Variants in SPIDR observed in about 807,000 individuals in gnomAD.
SPIDR encodes the protein scaffold protein involved in DNA repair.
In SPIDR, 93 loss-of-function variants were observed where a neutral mutation model predicts 104.6. The observed-to-expected ratio is 0.89, with a 90% CI of 0.75 to 1.06. The LOEUF (loss-of-function observed/expected upper bound fraction) is 1.06, where lower values mean the gene tolerates loss of function less well. Ranked by LOEUF, SPIDR falls within the 50% of genes least tolerant of loss-of-function variation. SPIDR has a pLI of 0.00. For synonymous variants in SPIDR, 431 were observed against 416.9 expected (o/e 1.03, Z -0.41); for missense variants, 1,154 against 1,111.2 (o/e 1.04, Z -0.55).
intron 10 of SPIDR, among the ~76,000 whole-genome samples, chr8:47,646,576 A>C (rs1389603887): frequency 6.6e-6 from 1 of 152,254 alleles, no homozygotes; most frequent in Non-Finnish European, 1.5e-5. Flanking sequence ...GCAGCTCTCT[A>C]TATGGCTACA....
intron 10 of SPIDR, among the ~76,000 whole-genome samples, chr8:47,623,486 G>A (rs1359349681): frequency 5.9e-5 from 9 of 152,178 alleles, no homozygotes; most frequent in Admixed American, 5.9e-4. Context: ...TGAGACTGAG[G>A]AAACCCATCT....
chr8:47,721,787 T>C (rs1237069783), intron 16 of SPIDR, among the ~76,000 whole-genome samples: 1 of 152,226 alleles, frequency 6.6e-6, no homozygotes, highest in African/African-American at 2.4e-5. Context: ...TTACTGCGAC[T>C]TTTAAGTCTT....
At chr8:47,375,145 T>G (rs1186455451) in intron 5 of SPIDR, among the ~76,000 whole-genome samples, 1 of 151,430 alleles carries the variant, frequency 6.6e-6, no homozygotes, top group Non-Finnish European at 1.5e-5. Context: ...TTTCAAGGGA[T>G]AAGATTTTCT....
intron 8 of SPIDR, among the ~76,000 whole-genome samples, chr8:47,493,042 AGT>A (rs60518877): frequency 0.1 from 14,642 of 140,424 alleles, 747 homozygotes; most frequent in Middle Eastern, 0.14. Context: ...AGAGAGAGTG[AGT>A]GTGTGTGTGT....
intron 7 of SPIDR, among the ~76,000 whole-genome samples, chr8:47,430,628 T>G (rs552345200): frequency 6.6e-6 from 1 of 152,192 alleles, no homozygotes; most frequent in South Asian, 2.1e-4. Context: ...GGTTTAAAGG[T>G]GGGTTTAGGA....
chr8:47,719,645 G>C (rs2083110950), intron 16 of SPIDR, among the ~76,000 whole-genome samples: 1 of 152,132 alleles, frequency 6.6e-6, no homozygotes, highest in South Asian at 2.1e-4. Context: ...CAAGGGGTGA[G>C]TGCCCTAGGA....
intron 10 of SPIDR, among the ~76,000 whole-genome samples, chr8:47,652,311 G>A (rs1271657609): frequency 6.6e-6 from 1 of 152,128 alleles, no homozygotes; most frequent in Non-Finnish European, 1.5e-5. Flanking sequence ...TGTGCAGAGA[G>A]AGAAGAGATA....
intron 8 of SPIDR, among the ~76,000 whole-genome samples, chr8:47,496,893 A>G (rs1415382999): frequency 6.6e-6 from 1 of 151,970 alleles, no homozygotes; most frequent in East Asian, 1.9e-4. Flanking sequence ...TAATAGATTT[A>G]TTCAGATTTT....
chr8:47,711,371 A>G (rs2081864567), intron 14 of SPIDR, among the ~76,000 whole-genome samples: 1 of 152,046 alleles, frequency 6.6e-6, no homozygotes, highest in Non-Finnish European at 1.5e-5. Flanking sequence ...CAGAGATGGC[A>G]TCTTGCTATG....
chr8:47,264,366 T>C (rs2033379418), intron 1 of SPIDR, among the ~76,000 whole-genome samples: 1 of 152,162 alleles, frequency 6.6e-6, no homozygotes, highest in African/African-American at 2.4e-5. Flanking sequence ...TTAGGATATA[T>C]AGATATATCC....
chr8:47,555,400 C>T (rs930114524), intron 8 of SPIDR, among the ~76,000 whole-genome samples: 1 of 152,156 alleles, frequency 6.6e-6, no homozygotes, highest in Non-Finnish European at 1.5e-5. Flanking sequence ...GAGTCAACTC[C>T]AGTCCCTTGC....
At chr8:47,610,474 C>G (rs1425093390) in intron 10 of SPIDR, among the ~76,000 whole-genome samples, 3 of 152,216 alleles carry the variant, frequency 2.0e-5, no homozygotes, top group Non-Finnish European at 4.4e-5. Context: ...ACTTCCTCCT[C>G]TAGCTGAGCC....
At chr8:47,367,215 A>G (rs1408258113) in intron 5 of SPIDR, among the ~76,000 whole-genome samples, 1 of 152,214 alleles carries the variant, frequency 6.6e-6, no homozygotes, top group Non-Finnish European at 1.5e-5. Context: ...CTACCTGGCA[A>G]GGAATGCAGC....
Position 47,735,413 on chromosome 8 carries a change from A to C in SPIDR, c.2711A>C (p.Glu904Ala), listed in dbSNP as rs1342680385. Residue 904 changes from glutamate to alanine, a missense_variant, in exon 20 of 20, where the codon GAG becomes GCG. Physicochemically the swap from Glu to Ala is moderately radical, Grantham distance 107. Transcript: ENST00000297423. ...AGCTGCATTGGATTGGAGGAAATCG[A>C]GCTTCTGAGTGCAGGAGGGGCCTCT... is the stretch of plus-strand genomic sequence containing the variant. ...PTSCIGLEEI[E>A]LLSAGGASAE... The C allele has an allele frequency of 6.2e-7, 1 of 1,614,100 alleles. No individual in the cohort carries two copies. The highest frequency in any genetic ancestry group is 1.3e-5 in the African/African-American group (1 of 74,984).
Position 47,291,071 on chromosome 8 carries a change from A to C in SPIDR, c.295A>C (p.Ile99Leu), listed in dbSNP as rs949923655. ...TAAAAGCACCAGTGGGCTTACAGACATAACATGGAGCTCCAGTGGAAGTGA... is the reference window on the plus strand; with the variant it reads ...TAAAAGCACCAGTGGGCTTACAGACCTAACATGGAGCTCCAGTGGAAGTGA... ...TSKSTSGLTD[I>L]TWSSSGSDLS... The change falls in exon 4 of 20, where the codon ATA becomes CTA. Residue 99 changes from isoleucine (I) to leucine (L), a missense_variant. Physicochemically the swap from Ile to Leu is conservative, Grantham distance 5 (BLOSUM62 2). Coordinates refer to ENST00000297423, the MANE Select transcript of SPIDR (RefSeq NM_001080394.4). 6.2e-7 allele frequency: 1 copy of C among 1,613,312 alleles called. No individual in the cohort carries two copies. Among genetic ancestry groups the C allele is most frequent in the African/African-American group, 1.3e-5 (1 of 74,934 alleles).
intron 7 of SPIDR, among the ~76,000 whole-genome samples, chr8:47,437,737 C>T (rs888862674): frequency 7.9e-5 from 12 of 151,878 alleles, no homozygotes; most frequent in African/African-American, 2.9e-4. Flanking sequence ...AGTCAGGAAA[C>T]AACAGGTGCT....
chr8:47,360,054 A>T (rs2055445622), intron 5 of SPIDR, among the ~76,000 whole-genome samples: 1 of 152,046 alleles, frequency 6.6e-6, no homozygotes, highest in Non-Finnish European at 1.5e-5. Flanking sequence ...CATCCTGGCT[A>T]ACATGATGAA....
intron 14 of SPIDR, among the ~76,000 whole-genome samples, chr8:47,708,291 T>C (rs981818897): frequency 1.3e-5 from 2 of 152,230 alleles, no homozygotes; most frequent in African/African-American, 2.4e-5. Context: ...AGAGCGAGAC[T>C]CCGTCTCAAA....
chr8:47,305,805 C>T (rs1449802814), intron 5 of SPIDR, among the ~76,000 whole-genome samples: 1 of 152,142 alleles, frequency 6.6e-6, no homozygotes, highest in Non-Finnish European at 1.5e-5. Flanking sequence ...CAATGTTTTA[C>T]ATTTTAAAAT....
Sources: allele counts gnomAD v4.1 joint callset (sites outside exome capture counted in the v4.1 genomes callset), GRCh38; gene constraint gnomAD v4.1.1; transcripts MANE v1.5; gene names NCBI Gene and HGNC (gene_info 2026-07-23, HGNC 2026-07-21).